The following KCNMA1 variants were observed in gnomAD, a reference collection of about 807,000 sequenced individuals.
KCNMA1 encodes Calcium-activated potassium channel subunit alpha-1.
A neutral mutation model predicts 140.0 loss-of-function variants in KCNMA1; 29 were observed. The observed-to-expected ratio is 0.21, with a 90% confidence interval of 0.15 to 0.28. KCNMA1 has a LOEUF of 0.28. Ranked by LOEUF, KCNMA1 falls within the 10% of genes least tolerant of loss-of-function variation. The pLI, the probability that KCNMA1 is intolerant of heterozygous loss-of-function variation, is 1.00. For missense variants in KCNMA1, 880 were observed against 1,602.2 expected, an observed-to-expected ratio of 0.55 and a Z score of 7.70; for synonymous variants, 612 against 611.9, an observed-to-expected ratio of 1.00 and a Z score of 0.00.
intron 1 of KCNMA1, among the ~76,000 whole-genome samples, chr10:77,606,084 G>A (rs955663216): frequency 2.0e-5 from 3 of 152,152 alleles, no homozygotes; most frequent in Non-Finnish European, 4.4e-5. Context: ...TAGACCCATG[G>A]CTCAGGCTCT....
At chr10:77,610,307 C>T (rs1213381617) in intron 1 of KCNMA1, among the ~76,000 whole-genome samples, 6 of 152,242 alleles carry the variant, frequency 3.9e-5, no homozygotes, top group Admixed American at 3.9e-4. Flanking sequence ...CACACTGAAA[C>T]CCAACCCAGC....
At chr10:77,019,570 A>C (rs369993630) in intron 16 of KCNMA1, 3 of 171,248 alleles carry the variant, frequency 1.8e-5, no homozygotes, top group African/African-American at 7.2e-5. Flanking sequence ...TACACACACC[A>C]CATATTACCG....
Position 77,057,596 on chromosome 10 carries a change from C to T in KCNMA1, c.1749+15501G>A, listed in dbSNP as rs115524361. Among the ~76,000 whole-genome samples, 1,080 of 152,062 alleles carry T rather than the reference C, an allele frequency of 7.1e-3. 9 individuals are homozygous for T. Among genetic ancestry groups the T allele is most frequent in the African/African-American group, 0.022 (929 of 41,524 alleles). On this transcript the variant is annotated intron_variant, in intron 14 of 27. Coordinates refer to ENST00000286628, the MANE Select transcript of KCNMA1 (RefSeq NM_001161352.2). The stretch of plus-strand genomic sequence containing the variant: ...GCTGTAATACATAATACAACTATAA[C>T]ATAAAATGGGGAGGGTAAAGAAACC...
At chr10:76,910,211 G>T (rs1225094314) in intron 24 of KCNMA1, 115 bp from the exon 25 acceptor site, 3 of 1,165,036 alleles carry the variant, frequency 2.6e-6, no homozygotes, top group Non-Finnish European at 3.8e-6. Flanking sequence ...GGAAACAAAA[G>T]CATGGAATAA....
At chr10:77,131,692 C>A (rs1029476709) in intron 5 of KCNMA1, among the ~76,000 whole-genome samples, 1 of 152,166 alleles carries the variant, frequency 6.6e-6, no homozygotes, top group East Asian at 1.9e-4. Context: ...TTGCCAGGCA[C>A]GGTGGCTCAT....
intron 1 of KCNMA1, among the ~76,000 whole-genome samples, chr10:77,539,684 C>T (rs1243589617): frequency 6.6e-6 from 1 of 152,208 alleles, no homozygotes; most frequent in Admixed American, 6.5e-5. Context: ...TGTGCTCAGT[C>T]TGTGGGCCCT....
chr10:77,597,921 A>T (rs2081394131), intron 1 of KCNMA1, among the ~76,000 whole-genome samples: 2 of 152,298 alleles, frequency 1.3e-5, no homozygotes, highest in African/African-American at 4.8e-5. Flanking sequence ...TTTTCTCCAT[A>T]GCACTTATCA....
At chr10:77,034,530 T>C (rs2094183471) in intron 15 of KCNMA1, among the ~76,000 whole-genome samples, 1 of 152,194 alleles carries the variant, frequency 6.6e-6, no homozygotes, top group South Asian at 2.1e-4. Context: ...CTGTGCAAAA[T>C]AACACAGGTT....
intron 19 of KCNMA1, among the ~76,000 whole-genome samples, 161 bp downstream of exon 19, chr10:77,001,246 C>G (rs550876560): frequency 6.6e-6 from 1 of 152,060 alleles, no homozygotes; most frequent in Non-Finnish European, 1.5e-5. Flanking sequence ...GGCACGTACA[C>G]AGAGACATAG....
intron 20 of KCNMA1, among the ~76,000 whole-genome samples, chr10:76,955,918 A>G (rs2068078502): frequency 6.6e-6 from 1 of 152,202 alleles, no homozygotes; most frequent in Non-Finnish European, 1.5e-5. Flanking sequence ...CTGAAGATAT[A>G]GAGCCAGGTT....
chr10:76,887,185 G>A lies in KCNMA1; in HGVS notation c.*81C>T. On this transcript the variant is annotated 3_prime_UTR_variant, in exon 28 of 28. Transcript: ENST00000286628. ...AAGGGGGGGACTACAGGGGAAAACA[G>A]GGAAAGTTACTTTGTTGGAAACACC... The A allele has an allele frequency of 6.2e-7, 1 of 1,612,990 alleles. No individual in the cohort carries two copies. The highest frequency in any genetic ancestry group is 1.3e-5 in the African/African-American group (1 of 75,036).
chr10:77,449,165 T>C (rs2097582147), intron 1 of KCNMA1, among the ~76,000 whole-genome samples: 1 of 151,056 alleles, frequency 6.6e-6, no homozygotes, highest in African/African-American at 2.4e-5. Flanking sequence ...TGGAAACCTA[T>C]CCTGAAAAAA....
intron 13 of KCNMA1, among the ~76,000 whole-genome samples, chr10:77,075,860 A>C (rs2096378878): frequency 6.6e-6 from 1 of 152,188 alleles, no homozygotes; most frequent in African/African-American, 2.4e-5. Flanking sequence ...CATTTGAAGT[A>C]AATTGAGTCT....
intron 2 of KCNMA1, among the ~76,000 whole-genome samples, chr10:77,386,846 C>G (rs1238831985): frequency 1.3e-5 from 2 of 152,268 alleles, no homozygotes; most frequent in South Asian, 2.1e-4. Context: ...TCTCTGTAAG[C>G]ACAGCCATTA....
chr10:77,446,720 C>T (rs1338252022), intron 1 of KCNMA1, among the ~76,000 whole-genome samples: 1 of 152,234 alleles, frequency 6.6e-6, no homozygotes, highest in Non-Finnish European at 1.5e-5. Context: ...GCAGGAAAGA[C>T]AGGCTTCAGA....
chr10:76,932,223 A>G (rs912408119), intron 23 of KCNMA1, among the ~76,000 whole-genome samples: 1 of 152,194 alleles, frequency 6.6e-6, no homozygotes, highest in Non-Finnish European at 1.5e-5. Flanking sequence ...TTGTTCAAAC[A>G]TATTAGTAGA....
chr10:76,977,517 A>G lies in KCNMA1; in HGVS notation c.2267-7450T>C, dbSNP rs934161152. 4.3e-6 allele frequency: 3 copies of G among 702,744 alleles called. No individual in the cohort carries two copies. In the African/African-American group the frequency reaches 5.2e-5, roughly 12 times the overall value. The allele number at this position is 702,744 out of a possible 1,614,324, so 43.5% of individuals were successfully genotyped here. A position where few individuals can be genotyped will look rare whatever the true frequency, so the allele number is the denominator to read the frequency against. The stretch of plus-strand genomic sequence containing the variant: ...TTGCCATAGAGACCATATGGGTTGC[A>G]AAGACTAAGATATTAACTCGCTGAC... On this transcript the variant is annotated intron_variant, in intron 19 of 27. Transcript: ENST00000286628.
At chr10:77,600,137 T>C (rs1055394177) in intron 1 of KCNMA1, among the ~76,000 whole-genome samples, 7 of 152,178 alleles carry the variant, frequency 4.6e-5, no homozygotes, top group Non-Finnish European at 8.8e-5. Flanking sequence ...TGGCACATGC[T>C]AAGATTCACA....
downstream of KCNMA1, chr10:76,877,688 C>T: frequency 6.6e-7 from 1 of 1,524,564 alleles, no homozygotes; most frequent in South Asian, 1.2e-5. Context: ...GTCACATCAC[C>T]ATTTATGAAG....
Sources: allele counts gnomAD v4.1 joint callset (sites outside exome capture counted in the v4.1 genomes callset), GRCh38; gene constraint gnomAD v4.1.1; transcripts MANE v1.5; gene names NCBI Gene and HGNC (gene_info 2026-07-23, HGNC 2026-07-21).